The following SLC26A4 variants were observed in gnomAD, a reference collection of about 807,000 sequenced individuals.
The protein encoded by SLC26A4 is solute carrier family 26 member 4, also known as pendrin.
A neutral mutation model predicts 90.4 loss-of-function variants in SLC26A4; 93 were observed. The observed-to-expected ratio is 1.03, with a 90% CI of 0.87 to 1.22. The LOEUF (loss-of-function observed/expected upper bound fraction) is 1.22, where lower values mean the gene tolerates loss of function less well. SLC26A4 is among the 50% of genes most tolerant of loss of function. The pLI is 0.00. For missense variants in SLC26A4, 1,127 were observed against 946.2 expected (o/e 1.19, Z -2.51); for synonymous variants, 393 against 354.6 (o/e 1.11, Z -1.22).
chr7:107,699,736 C>G (rs1207631731), intron 14 of SLC26A4, among the ~76,000 whole-genome samples: 1 of 151,974 alleles, frequency 6.6e-6, no homozygotes, highest in Admixed American at 6.6e-5. Flanking sequence ...TGAGACCAAC[C>G]TGGCCAATGT....
At chr7:107,673,969 G>C (rs1208140457) in intron 4 of SLC26A4, among the ~76,000 whole-genome samples, 195 bp from the exon 5 acceptor site, 2 of 152,014 alleles carry the variant, frequency 1.3e-5, no homozygotes, top group African/African-American at 4.8e-5. Context: ...GGGCTCAAGC[G>C]ATCTTCCCAC....
intron 6 of SLC26A4, among the ~76,000 whole-genome samples, chr7:107,676,120 T>C (rs1023429375): frequency 6.6e-6 from 1 of 152,174 alleles, no homozygotes; most frequent in African/African-American, 2.4e-5. Context: ...GGACCTTGAT[T>C]CATATTCTGG....
chr7:107,710,949 A>C (rs1792168980), intron 19 of SLC26A4, among the ~76,000 whole-genome samples: 2 of 152,200 alleles, frequency 1.3e-5, no homozygotes, highest in African/African-American at 4.8e-5. Flanking sequence ...CATCGTGGAT[A>C]TTTTAAATTG....
At chr7:107,698,909 C>T (rs1357462382) in intron 14 of SLC26A4, among the ~76,000 whole-genome samples, 1 of 151,968 alleles carries the variant, frequency 6.6e-6, no homozygotes, top group Non-Finnish European at 1.5e-5. Context: ...AATAAAATTG[C>T]TTAGTGGTGA....
At chr7:107,667,811 C>T (rs1790759319) in intron 3 of SLC26A4, among the ~76,000 whole-genome samples, 1 of 152,070 alleles carries the variant, frequency 6.6e-6, no homozygotes. Flanking sequence ...GATATTTCTT[C>T]CATTTTCAAA....
intron 6 of SLC26A4, among the ~76,000 whole-genome samples, chr7:107,680,300 A>AATATAATCTTATATTATT (rs1791189144): frequency 6.4e-4 from 23 of 36,140 alleles, no homozygotes; most frequent in African/African-American, 2.4e-3. Context: ...CTTATTATAT[A>AATATAATCTTATATTATT]ATATAATCTT....
chr7:107,694,865 G>C, intron 12 of SLC26A4, 149 bp downstream of exon 12: 1 of 693,284 alleles, frequency 1.4e-6, no homozygotes, highest in East Asian at 2.7e-5. Context: ...ATAAATCAAA[G>C]CCATGAAGTC....
At chr7:107,696,301 C>A (rs1166737700) in intron 13 of SLC26A4, among the ~76,000 whole-genome samples, 1 of 152,222 alleles carries the variant, frequency 6.6e-6, no homozygotes, top group Non-Finnish European at 1.5e-5. Context: ...GATCACACAG[C>A]TAGTACGTGG....
At chr7:107,706,519 C>T (rs1036803589) in intron 18 of SLC26A4, among the ~76,000 whole-genome samples, 1 of 152,184 alleles carries the variant, frequency 6.6e-6, no homozygotes, top group Non-Finnish European at 1.5e-5. Flanking sequence ...CTTTTTAAAA[C>T]GTCTTGATGC....
rs374545905 is a variant in SLC26A4, at chr7:107,672,155, C to T, written c.322C>T (p.Leu108=). Residue 108 remains leucine, a synonymous_variant, in exon 4 of 21, where the codon CTA becomes TTA. Coordinates refer to ENST00000644269, the MANE Select transcript of SLC26A4 (RefSeq NM_000441.2). ...GCTTTCAGGGATGGCATATGCCCTA[C>T]TAGCTGCAGTTCCTGTCGGATATGG... ...ATLQGMAYAL[L]AAVPVGYGLY... is the part of the protein sequence containing the mutation. 87 of 1,610,986 alleles carry T rather than the reference C, an allele frequency of 5.4e-5. No homozygotes were observed. The highest frequency in any genetic ancestry group is 7.0e-5 in the Non-Finnish European group (82 of 1,177,312).
intron 20 of SLC26A4, 63 bp from the exon 21 acceptor site, chr7:107,715,360 G>T (rs1163150051): frequency 7.6e-7 from 1 of 1,307,692 alleles, no homozygotes; most frequent in East Asian, 2.3e-5. Flanking sequence ...TTATAAAAAA[G>T]ATAATGCAGA....
intron 6 of SLC26A4, among the ~76,000 whole-genome samples, chr7:107,678,126 C>G (rs1256738169): frequency 6.6e-6 from 1 of 152,124 alleles, no homozygotes; most frequent in African/African-American, 2.4e-5. Context: ...TTTTGACAGG[C>G]TCTGTAACTT....
chr7:107,696,146 C>G, intron 13 of SLC26A4, 107 bp downstream of exon 13: 1 of 781,748 alleles, frequency 1.3e-6, no homozygotes, highest in Non-Finnish European at 2.4e-6. Context: ...GTTATAGTTA[C>G]TGTATATTGA....
chr7:107,673,506 C>T (rs902937951), intron 4 of SLC26A4, among the ~76,000 whole-genome samples: 1 of 151,930 alleles, frequency 6.6e-6, no homozygotes, highest in South Asian at 2.1e-4. Flanking sequence ...TTGAGCGGAA[C>T]AAGTAAACAC....
intron 20 of SLC26A4, 77 bp from the exon 21 acceptor site, chr7:107,715,346 A>G (rs1792318900): frequency 8.7e-7 from 1 of 1,146,502 alleles, no homozygotes; most frequent in Non-Finnish European, 1.3e-6. Context: ...CTATAAAAAC[A>G]TATTTATAAA....
rs772817809 is a variant in SLC26A4 at position 107,683,325 on chromosome 7, C to T, written c.889C>T (p.Pro297Ser). ...ELNDRFRHKI[P>S]VPIPIEVIVT... Reference sequence around the variant, plus strand: ...AAATGATCGGTTTAGACACAAAATCCCAGTCCCTATTCCTATAGAAGTAAT... The same window carrying T: ...AAATGATCGGTTTAGACACAAAATCTCAGTCCCTATTCCTATAGAAGTAAT... Residue 297 changes from proline (P) to serine (S), a missense_variant, in exon 7 of 21, where the codon CCA (proline) becomes TCA (serine). Physicochemically the swap from Pro to Ser is moderately conservative, Grantham distance 74 (BLOSUM62 -1). Transcript: ENST00000644269. The T allele has an allele frequency of 2.5e-6, 4 of 1,613,684 alleles. No individual in the cohort carries two copies. Among genetic ancestry groups the T allele is most frequent in the East Asian group, 2.2e-5 (1 of 44,864 alleles).
At chr7:107,691,319 T>C (rs1269671736) in intron 10 of SLC26A4, among the ~76,000 whole-genome samples, 1 of 151,948 alleles carries the variant, frequency 6.6e-6, no homozygotes, top group Non-Finnish European at 1.5e-5. Context: ...ATGGCCAACA[T>C]GGTGAAACCC....
At chr7:107,707,856 G>A (rs1191191690) in intron 18 of SLC26A4, among the ~76,000 whole-genome samples, 1 of 152,066 alleles carries the variant, frequency 6.6e-6, no homozygotes, top group African/African-American at 2.4e-5. Context: ...TTAGTTCAAG[G>A]TCAAAAAGAC....
chr7:107,661,838 C>T lies in SLC26A4; in HGVS notation c.164+33C>T, dbSNP rs775021835. 21 of 1,524,092 alleles carry T rather than the reference C, an allele frequency of 1.4e-5. No homozygotes were observed. The highest frequency in any genetic ancestry group is 9.6e-5 in the South Asian group (8 of 83,432). The allele number at this position is 1,524,092 out of a possible 1,614,324, so 94.4% of individuals were successfully genotyped here. On this transcript the variant is annotated intron_variant, in intron 2 of 20. Coordinates refer to ENST00000644269, the MANE Select transcript of SLC26A4 (RefSeq NM_000441.2). The surrounding 1 kb of genome is among the most constrained non-coding windows in gnomAD (Gnocchi z 5.1). ...CCGCGCGGGCCTGCGTAGAGAGAAG[C>T]GGAGCGGGGCGTCCACGCCTTGGGG... is the stretch of plus-strand genomic sequence containing the variant.
Sources: allele counts gnomAD v4.1 joint callset (sites outside exome capture counted in the v4.1 genomes callset), GRCh38; gene constraint gnomAD v4.1.1; non-coding constraint Gnocchi (gnomAD v3.1); transcripts MANE v1.5; gene names NCBI Gene and HGNC (gene_info 2026-07-23, HGNC 2026-07-21).